Variants in ZNF606 observed in about 807,000 individuals in gnomAD.
ZNF606 encodes zinc finger protein 328.
In ZNF606, 37 loss-of-function variants were observed where a neutral mutation model predicts 74.9. That is an observed-to-expected ratio of 0.49 (90% confidence interval 0.38 to 0.65). The LOEUF (loss-of-function observed/expected upper bound fraction) is 0.65, where lower values mean the gene tolerates loss of function less well. Ranked by LOEUF, ZNF606 falls within the 30% of genes least tolerant of loss-of-function variation. The pLI, the probability that ZNF606 is intolerant of heterozygous loss-of-function variation, is 0.00. For synonymous variants in ZNF606, 328 were observed against 312.4 expected (o/e 1.05, Z -0.53); for missense variants, 852 against 952.9 (o/e 0.89, Z 1.39).
Position 58,002,752 on chromosome 19 carries a change from G to A in ZNF606, c.-408C>T, listed in dbSNP as rs776463562. 13 of 453,808 alleles carry A rather than the reference G, an allele frequency of 2.9e-5. No homozygotes were observed. Among genetic ancestry groups the A allele is most frequent in the African/African-American group, 1.4e-4 (7 of 49,576 alleles). 28.1% of individuals were successfully genotyped at this position (453,808 alleles called of 1,614,324 possible). On this transcript the variant is annotated 5_prime_UTR_variant, in exon 1 of 7. Transcript: ENST00000551380. ...ACCCCCCAAGCCCCGCAGCTACGGC[G>A]GCCCCACAGCCTGAGCAAAGGCCTC...
At chr19:57,998,470 G>T (rs577583089) in intron 4 of ZNF606, 17 of 152,320 alleles carry the variant, frequency 1.1e-4, no homozygotes, top group African/African-American at 3.6e-4. Context: ...AAAAAAGGCT[G>T]TGCCATATTA....
rs2073036895 is a variant in ZNF606, at chr19:57,979,097, A to G, written c.1583T>C (p.Ile528Thr). 2.5e-6 allele frequency: 4 copies of G among 1,614,046 alleles called. No homozygotes were observed. The highest frequency in any genetic ancestry group is 1.7e-5 in the Admixed American group (1 of 60,006). The change falls in exon 7 of 7, where the codon ATT becomes ACT. Residue 528 changes from isoleucine (I) to threonine (T), a missense_variant. This residue lies in a region of ZNF606 where 243 missense variants were observed against 359.2 expected (regional missense o/e 0.68). Coordinates refer to ENST00000551380, the MANE Select transcript of ZNF606 (RefSeq NM_001348022.3). ...TCCAGTATGCATTCTCATATGGGCA[A>G]TAAGATGGGAGCTCCAGCTGAATGA... Reference protein sequence around the residue: ...GKSFSWSSHLIAHMRMHTGEK... With the variant: ...GKSFSWSSHLTAHMRMHTGEK...
At chr19:57,990,787 G>A (rs1358456733) in intron 4 of ZNF606, among the ~76,000 whole-genome samples, 1 of 151,968 alleles carries the variant, frequency 6.6e-6, no homozygotes, top group East Asian at 1.9e-4. Context: ...TTTTTACTCT[G>A]TCTCAATTGC....
In ZNF606 at chr19:57,979,600, C is replaced by T; in HGVS notation, c.1080G>A (p.Met360Ile). ...CTACAGTACCAATTTTTTGATGTTC[C>T]ATAAAGGATGAGAAATAAAAGATAT... ...YENIFYFSSF[M>I]EHQKIGTVEK... Residue 360 changes from methionine (M) to isoleucine (I), a missense_variant, in exon 7 of 7, where the codon ATG (methionine) becomes ATA (isoleucine). Physicochemically the swap from Met to Ile is conservative, Grantham distance 10 (BLOSUM62 1). Coordinates refer to ENST00000551380, the MANE Select transcript of ZNF606 (RefSeq NM_001348022.3). 2 of 1,613,186 alleles carry T rather than the reference C, an allele frequency of 1.2e-6. No homozygotes were observed. The highest frequency in any genetic ancestry group is 1.7e-6 in the Non-Finnish European group (2 of 1,179,876).
chr19:58,000,696 T>C lies in ZNF606; in HGVS notation c.75A>G (p.Pro25=), dbSNP rs777844899. Residue 25 remains proline, a synonymous_variant, in exon 3 of 7, where the codon CCA becomes CCG. Transcript: ENST00000551380. ...DQSWGMTAVD[P]WASWALCPQY... is the part of the protein sequence containing the mutation. ...CTCTTGACTCACCCCAGGAGGCCCA[T>C]GGGTCAACAGCTGTCATCCCCCAAG... The C allele has an allele frequency of 1.6e-4, 257 of 1,599,344 alleles. No individual in the cohort carries two copies. The highest frequency in any genetic ancestry group is 9.9e-4 in the South Asian group (87 of 87,892).
intron 6 of ZNF606, among the ~76,000 whole-genome samples, chr19:57,983,530 A>G (rs559629848): frequency 7.9e-5 from 12 of 151,582 alleles, no homozygotes; most frequent in African/African-American, 2.9e-4. Flanking sequence ...GTGAGCCAAG[A>G]CCACACCATT....
chr19:57,998,551 G>A (rs2073371088), intron 4 of ZNF606: 1 of 152,196 alleles, frequency 6.6e-6, no homozygotes. Context: ...GTGGTTGGGA[G>A]GGAGTAGGGG....
At position 57,980,014 on chromosome 19, in the gene ZNF606, G is replaced by A. The variant is rs142503772; in HGVS notation, c.666C>T (p.Asn222=). 0.01 allele frequency: 16,421 copies of A among 1,613,602 alleles called. 118 individuals carry two copies. Among genetic ancestry groups the A allele is most frequent in the Non-Finnish European group, 0.012 (13,578 of 1,180,024 alleles). Residue 222 remains asparagine, a synonymous_variant, in exon 7 of 7, where the codon AAC becomes AAT. Transcript: ENST00000551380. ...CTCTCTGAGATGGAACAAAGTTTAAGTTCTGGCTAAACTCTGCCCCAAGTC... is the reference window on the plus strand; with the variant it reads ...CTCTCTGAGATGGAACAAAGTTTAAATTCTGGCTAAACTCTGCCCCAAGTC... ...FCGLGAEFSQ[N]LNFVPSQRVS...
chr19:57,994,790 G>A (rs1170447377), intron 4 of ZNF606, among the ~76,000 whole-genome samples: 1 of 152,122 alleles, frequency 6.6e-6, no homozygotes, highest in Admixed American at 6.6e-5. Context: ...GTCAAGTGTC[G>A]ACAAACATGC....
chr19:57,980,714 AG>A (rs1449273648), intron 6 of ZNF606, among the ~76,000 whole-genome samples: 1 of 151,944 alleles, frequency 6.6e-6, no homozygotes, highest in East Asian at 1.9e-4. Context: ...GGGTGCCTGT[AG>A]TCCCAGCTGC....
At chr19:58,000,899 C>A (rs1485033135) in intron 2 of ZNF606, among the ~76,000 whole-genome samples, 160 bp from the exon 3 acceptor site, 1 of 152,172 alleles carries the variant, frequency 6.6e-6, no homozygotes, top group African/African-American at 2.4e-5. Flanking sequence ...TTCACACAGG[C>A]AATGCACAGG....
Position 57,989,099 on chromosome 19 carries a change from C to G in ZNF606, c.178-378G>C, listed in dbSNP as rs114522748. ...ACAGGCTATGAGCACTGGCTACAAG[C>G]GAGACCTTGAGGATGGAGTCTTTGC... On this transcript the variant is annotated intron_variant, in intron 4 of 6. Transcript: ENST00000551380. Among the ~76,000 whole-genome samples the G allele has an allele frequency of 6.3e-3, 963 of 152,282 alleles. 12 individuals are homozygous for G. Among genetic ancestry groups the G allele is most frequent in the African/African-American group, 0.022 (926 of 41,558 alleles).
intron 4 of ZNF606, among the ~76,000 whole-genome samples, chr19:57,994,774 G>A (rs1448629015): frequency 6.6e-6 from 1 of 152,194 alleles, no homozygotes; most frequent in Non-Finnish European, 1.5e-5. Flanking sequence ...TAAAAGACCT[G>A]ATAATGTCAA....
At chr19:57,999,454 C>T in intron 4 of ZNF606, 2 of 364,112 alleles carry the variant, frequency 5.5e-6, no homozygotes, top group Non-Finnish European at 1.0e-5. Context: ...TCCTTGTTCC[C>T]TTCACAGCAG....
At chr19:57,983,523 A>T (rs2073120393) in intron 6 of ZNF606, among the ~76,000 whole-genome samples, 1 of 151,882 alleles carries the variant, frequency 6.6e-6, no homozygotes, top group Admixed American at 6.6e-5. Context: ...GGTTGCAGTG[A>T]GCCAAGACCA....
Position 58,001,568 on chromosome 19 carries a change from G to A in ZNF606, c.-51-198C>T, listed in dbSNP as rs2073429289. Among the ~76,000 whole-genome samples, 3 of 152,224 alleles carry A rather than the reference G, an allele frequency of 2.0e-5. No individual in the cohort carries two copies. The South Asian group carries it at 6.2e-4, about 31-fold the overall frequency. ...TAATTTGCATAAGCTGGAAAAAAGA[G>A]CATGATCCTGAATGAGAGGGTACAA... On this transcript the variant is annotated intron_variant, in intron 1 of 6. Transcript: ENST00000551380.
At chr19:57,986,253 G>A (rs951884077) in intron 6 of ZNF606, among the ~76,000 whole-genome samples, 2 of 152,138 alleles carry the variant, frequency 1.3e-5, no homozygotes, top group Non-Finnish European at 2.9e-5. Flanking sequence ...TTGAGAGGCT[G>A]AGGCAGGGGC....
intron 4 of ZNF606, among the ~76,000 whole-genome samples, chr19:57,990,779 T>C (rs1041417826): frequency 1.3e-5 from 2 of 152,072 alleles, no homozygotes; most frequent in Non-Finnish European, 2.9e-5. Context: ...TGTATCCATT[T>C]TTACTCTGTC....
At chr19:57,995,510 T>C (rs1445018540) in intron 4 of ZNF606, among the ~76,000 whole-genome samples, 2 of 151,956 alleles carry the variant, frequency 1.3e-5, no homozygotes, top group African/African-American at 4.8e-5. Flanking sequence ...AAACTACATA[T>C]AGAAAAAAAT....
Sources: gnomAD v4.1 joint callset for allele counts (sites outside exome capture counted in the v4.1 genomes callset) on GRCh38, gnomAD v4.1.1 for gene constraint, gnomAD v4.1.1 regional missense constraint, MANE v1.5 for transcripts, NCBI Gene and HGNC (gene_info 2026-07-23, HGNC 2026-07-21) for gene names.